The following SERINC3 variants were observed in gnomAD, a reference collection of about 807,000 sequenced individuals.
SERINC3 encodes tumor differentially expressed protein 1.
In SERINC3, 22 loss-of-function variants were observed where a neutral mutation model predicts 52.1. That is an observed-to-expected ratio of 0.42 (90% CI 0.30 to 0.60). The LOEUF is 0.60. Among genes scored for constraint, SERINC3 ranks in the 20% least tolerant of loss-of-function variants. The probability of loss-of-function intolerance (pLI) is 0.16; values close to 1 mark genes in which losing one functional copy is unlikely to be tolerated. For synonymous variants in SERINC3, 226 were observed against 212.7 expected, an observed-to-expected ratio of 1.06 and a Z score of -0.54; for missense variants, 564 against 584.6, an observed-to-expected ratio of 0.96 and a Z score of 0.36.
At chr20:44,513,461 G>C (rs1399428220) in intron 2 of SERINC3, among the ~76,000 whole-genome samples, 1 of 152,138 alleles carries the variant, frequency 6.6e-6, no homozygotes, top group South Asian at 2.1e-4. Flanking sequence ...ACTCCAGCCT[G>C]GGCAACAGAG....
chr20:44,497,015 C>T (rs1473936761), downstream of SERINC3, among the ~76,000 whole-genome samples: 2 of 152,188 alleles, frequency 1.3e-5, no homozygotes, highest in African/African-American at 4.8e-5. Flanking sequence ...GACCTAGAAG[C>T]TTTCTCCCGG....
In SERINC3 at chr20:44,500,384, A is replaced by C. The variant is rs746288978; in HGVS notation, c.1334T>G (p.Val445Gly). The C allele has an allele frequency of 6.3e-7, 1 of 1,595,662 alleles. No homozygotes were observed. The highest frequency in any genetic ancestry group is 8.5e-7 in the Non-Finnish European group (1 of 1,170,756). ...SMTSKWPAVWVKISSSWVCLL... is the reference protein window; with the variant it reads ...SMTSKWPAVWGKISSSWVCLL... The stretch of plus-strand genomic sequence containing the variant: ...GCAGACCCAGCTGGAGCTGATCTTG[A>C]CCCACACAGCTGGCCACTTGCTGGT... Residue 445 changes from valine (V) to glycine (G), a missense_variant, in exon 10 of 10, where the codon GTC (valine) becomes GGC (glycine). Physicochemically the swap from Val to Gly is moderately radical, Grantham distance 109. Coordinates refer to ENST00000342374, the MANE Select transcript of SERINC3 (RefSeq NM_006811.4).
At chr20:44,521,770 C>T in intron 1 of SERINC3, 143 bp downstream of exon 1, 3 of 779,644 alleles carry the variant, frequency 3.8e-6, no homozygotes, top group African/African-American at 1.7e-5. Flanking sequence ...CGCGGATTTG[C>T]GTCTGGGGCC....
chr20:44,509,965 AC>A lies in SERINC3; in HGVS notation c.538del (p.Val180Ter). 6.2e-7 allele frequency: 1 copy of A among 1,614,150 alleles called. No individual in the cohort carries two copies. Among genetic ancestry groups the A allele is most frequent in the Non-Finnish European group, 8.5e-7 (1 of 1,179,938 alleles). ...LFILIQLVLL[V>X]DFAHSWNESW... is the part of the protein sequence containing the mutation. ...TTCATTCCAAGAATGAGCAAAATCTACCAGCAGCACCAGCTGAATGAGGATG... is the reference window on the plus strand; with the variant it reads ...TTCATTCCAAGAATGAGCAAAATCTACAGCAGCACCAGCTGAATGAGGATG... On this transcript the variant is annotated frameshift_variant, in exon 5 of 10. Coordinates refer to ENST00000342374, the MANE Select transcript of SERINC3 (RefSeq NM_006811.4). LOFTEE classifies it high-confidence loss of function.
chr20:44,513,988 T>G lies in SERINC3; in HGVS notation c.92A>C (p.Asn31Thr). The change falls in exon 2 of 10, where the codon AAC becomes ACC. Residue 31 changes from asparagine to threonine, a missense_variant. By Grantham distance (65) the Asn-to-Thr change is moderately conservative (BLOSUM62 0). Coordinates refer to ENST00000342374, the MANE Select transcript of SERINC3 (RefSeq NM_006811.4). ...GCGAGTCACCGTGGAATTCTTACTG[T>G]TAGGACAGCAACTACACAGCAAACA... is the stretch of plus-strand genomic sequence containing the variant. ...ASCLLCSCCP[N>T]SKNSTVTRLI... 1 of 1,614,104 alleles carries G rather than the reference T, an allele frequency of 6.2e-7. No homozygotes were observed.
At chr20:44,517,989 C>T (rs1487740747) in intron 1 of SERINC3, among the ~76,000 whole-genome samples, 2 of 152,152 alleles carry the variant, frequency 1.3e-5, no homozygotes, top group East Asian at 3.8e-4. Flanking sequence ...GAATGCCTTC[C>T]CTTTTCCCAA....
At chr20:44,505,161 G>C (rs2064303459) in intron 6 of SERINC3, among the ~76,000 whole-genome samples, 1 of 152,134 alleles carries the variant, frequency 6.6e-6, no homozygotes, top group African/African-American at 2.4e-5. Flanking sequence ...CACTCCCTTG[G>C]TGTAGTGAAA....
chr20:44,506,712 T>A (rs936911128), intron 6 of SERINC3, 115 bp downstream of exon 6: 9 of 568,584 alleles, frequency 1.6e-5, no homozygotes, highest in Non-Finnish European at 2.2e-5. Flanking sequence ...CTTTATAATA[T>A]GGAAAAATGT....
At chr20:44,511,671 CTAAAA>C (rs1237524440) in intron 3 of SERINC3, among the ~76,000 whole-genome samples, 1 of 152,144 alleles carries the variant, frequency 6.6e-6, no homozygotes, top group Non-Finnish European at 1.5e-5. Context: ...TCTGGGAGTT[CTAAAA>C]TAACAGTGTT....
chr20:44,500,194 G>A lies in SERINC3; in HGVS notation c.*102C>T. 1 of 1,262,164 alleles carries A rather than the reference G, an allele frequency of 7.9e-7. No homozygotes were observed. Among genetic ancestry groups the A allele is most frequent in the South Asian group, 1.5e-5 (1 of 64,540 alleles). 78.2% of individuals were successfully genotyped at this position (1,262,164 alleles called of 1,614,324 possible). On this transcript the variant is annotated 3_prime_UTR_variant, in exon 10 of 10. Transcript: ENST00000342374. ...ACCTGCATACAGTCAAACTTGCAAA[G>A]CATTCACTTAATATTTTAGTTGAAA...
chr20:44,513,945 A>G lies in SERINC3; in HGVS notation c.135T>C (p.Ile45=). The change falls in exon 2 of 10, where the codon ATT becomes ATC. Residue 45 remains isoleucine, a synonymous_variant. Transcript: ENST00000342374. Reference sequence around the variant, plus strand: ...AGGATACGACAGTGCTCAGGAGGAGAATGAAAGCATAAATGAGGCGAGTCA... The same window carrying G: ...AGGATACGACAGTGCTCAGGAGGAGGATGAAAGCATAAATGAGGCGAGTCA... ...STVTRLIYAF[I]LLLSTVVSYI... The G allele has an allele frequency of 6.2e-7, 1 of 1,614,150 alleles. No homozygotes were observed. Among genetic ancestry groups the G allele is most frequent in the Non-Finnish European group, 8.5e-7 (1 of 1,180,022 alleles).
At chr20:44,506,373 C>T (rs371075731) in intron 6 of SERINC3, among the ~76,000 whole-genome samples, 156 of 150,530 alleles carry the variant, frequency 1.0e-3, no homozygotes, top group Middle Eastern at 7.1e-3. Context: ...GCGGGTGGAT[C>T]ACGAGGTCAA....
At chr20:44,496,968 C>T (rs567209526), downstream of SERINC3, among the ~76,000 whole-genome samples, 5 of 152,252 alleles carry the variant, frequency 3.3e-5, no homozygotes, top group East Asian at 1.9e-4. Context: ...CCAGATAACC[C>T]GCAAGACCAA....
chr20:44,513,958 A>C lies in SERINC3; in HGVS notation c.122T>G (p.Ile41Ser). ...NSKNSTVTRL[I>S]YAFILLLSTV... The stretch of plus-strand genomic sequence containing the variant: ...GCTCAGGAGGAGAATGAAAGCATAA[A>C]TGAGGCGAGTCACCGTGGAATTCTT... The change falls in exon 2 of 10, where the codon ATT becomes AGT. Residue 41 changes from isoleucine (I) to serine (S), a missense_variant. Transcript: ENST00000342374. The C allele has an allele frequency of 6.2e-7, 1 of 1,614,214 alleles. No homozygotes were observed. Among genetic ancestry groups the C allele is most frequent in the Non-Finnish European group, 8.5e-7 (1 of 1,180,026 alleles).
intron 1 of SERINC3, 105 bp downstream of exon 1, chr20:44,521,808 G>T: frequency 8.4e-7 from 1 of 1,196,884 alleles, no homozygotes; most frequent in Non-Finnish European, 1.2e-6. Context: ...CCCAGGGCCT[G>T]CTGACATCCC....
At chr20:44,507,132 G>T in intron 5 of SERINC3, 136 bp from the exon 6 acceptor site, 1 of 579,610 alleles carries the variant, frequency 1.7e-6, no homozygotes, top group Non-Finnish European at 2.7e-6. Flanking sequence ...AAATTACAGA[G>T]GTCTCAAGGT....
intron 5 of SERINC3, among the ~76,000 whole-genome samples, chr20:44,509,245 A>G (rs766059295): frequency 2.0e-5 from 3 of 152,324 alleles, no homozygotes; most frequent in South Asian, 2.1e-4. Context: ...GAATAAGGCC[A>G]TAAGGACTAC....
chr20:44,507,820 G>C (rs1336317384), intron 5 of SERINC3, among the ~76,000 whole-genome samples: 1 of 152,220 alleles, frequency 6.6e-6, no homozygotes, highest in Non-Finnish European at 1.5e-5. Flanking sequence ...AGTGAGCCGA[G>C]ATGGTGCCAC....
In SERINC3 at chr20:44,512,804, T is replaced by C. The variant is rs1281471185; in HGVS notation, c.392A>G (p.Asn131Ser). ...TSKDLRAAVH[N>S]GFWFFKIAAL... ...GTTAATCATAAATCTAACATACCCA[T>C]TGTGTACTGCCGCTCGGAGATCTTT... Residue 131 changes from asparagine (N) to serine (S), a missense_variant, in exon 3 of 10, where the codon AAT (asparagine) becomes AGT (serine). By Grantham distance (46) the Asn-to-Ser change is conservative (BLOSUM62 1). Transcript: ENST00000342374. The C allele has an allele frequency of 6.4e-7, 1 of 1,567,458 alleles. No homozygotes were observed. Among genetic ancestry groups the C allele is most frequent in the Non-Finnish European group, 8.6e-7 (1 of 1,165,726 alleles).
Sources: allele counts gnomAD v4.1 joint callset (sites outside exome capture counted in the v4.1 genomes callset), GRCh38; gene constraint gnomAD v4.1.1; transcripts MANE v1.5; gene names NCBI Gene and HGNC (gene_info 2026-07-23, HGNC 2026-07-21).